RNF150: variants seen among roughly 807,000 people sequenced by gnomAD.
RNF150 encodes ring finger protein 150.
RNF150 carries 24 observed loss-of-function variants against 39.3 expected under a neutral mutation model. The observed-to-expected ratio is 0.61, with a 90% CI of 0.44 to 0.86. The LOEUF (loss-of-function observed/expected upper bound fraction) is 0.86. RNF150 is among the 40% of genes least tolerant of loss of function. The pLI, the probability that RNF150 is intolerant of heterozygous loss-of-function variation, is 0.00. For synonymous variants in RNF150, 255 were observed against 227.3 expected (o/e 1.12, Z -1.10); for missense variants, 502 against 587.8 (o/e 0.85, Z 1.51).
intron 4 of RNF150, among the ~76,000 whole-genome samples, chr4:140,945,641 TAGTAA>T (rs1732277584): frequency 6.7e-6 from 1 of 148,686 alleles, no homozygotes; most frequent in Non-Finnish European, 1.5e-5. Flanking sequence ...TATATATATG[TAGTAA>T]CATGAAATTT....
rs749916655 is a variant in RNF150, at chr4:141,132,574, C to G, written c.235G>C (p.Glu79Gln). 63 of 1,581,152 alleles carry G rather than the reference C, an allele frequency of 4.0e-5. No homozygotes were observed. The highest frequency in any genetic ancestry group is 5.3e-5 in the Non-Finnish European group (62 of 1,164,474). Residue 79 changes from glutamate (E) to glutamine (Q), a missense_variant, in exon 1 of 7, where the codon GAG becomes CAG. By Grantham distance (29) the Glu-to-Gln change is conservative. Transcript: ENST00000515673. The surrounding 1 kb of genome is among the most constrained non-coding windows in gnomAD (Gnocchi z 4.9). ...CGGGCGTCCTGCTTGGGCGAGTGCT[C>G]TCCGTAGCGCCCGCACTCCGTCTTC... ...TEKTECGRYG[E>Q]HSPKQDARGE...
At chr4:141,180,456 CT>C (rs1449991994) in intron 1 of RNF150, among the ~76,000 whole-genome samples, 1 of 152,194 alleles carries the variant, frequency 6.6e-6, no homozygotes, top group Non-Finnish European at 1.5e-5. Context: ...TCCAACCCTT[CT>C]GTCTGTAGGT....
At chr4:140,930,786 A>C (rs1731599237) in intron 4 of RNF150, among the ~76,000 whole-genome samples, 1 of 152,174 alleles carries the variant, frequency 6.6e-6, no homozygotes, top group African/African-American at 2.4e-5. Flanking sequence ...AAAATATAGC[A>C]CTGGTTACGT....
At chr4:140,912,959 T>A (rs1292546860) in intron 5 of RNF150, among the ~76,000 whole-genome samples, 33 of 138,152 alleles carry the variant, frequency 2.4e-4, no homozygotes, top group African/African-American at 9.0e-4. Context: ...CATCAGAACA[T>A]AAAAAAAAAA....
intron 5 of RNF150, among the ~76,000 whole-genome samples, chr4:140,917,675 A>C (rs1426597074): frequency 1.2e-4 from 19 of 152,158 alleles, no homozygotes; most frequent in African/African-American, 3.4e-4. Context: ...GAACTCAGCT[A>C]TGCACCAAGC....
In RNF150 at chr4:141,110,587, T is replaced by C. The variant is rs559808684; in HGVS notation, c.484+21738A>G. ...TGCCACCACACCTAATTTTTAATTT[T>C]TTTTTAATGAGGAAGGGGTCTTGCT... On this transcript the variant is annotated intron_variant, in intron 1 of 6. Coordinates refer to ENST00000515673, the MANE Select transcript of RNF150 (RefSeq NM_020724.2). Among the ~76,000 whole-genome samples, 7 of 151,438 alleles carry C rather than the reference T, an allele frequency of 4.6e-5. 1 individual carries two copies. The highest frequency in any genetic ancestry group is 1.7e-4 in the African/African-American group (7 of 40,852).
intron 1 of RNF150, among the ~76,000 whole-genome samples, chr4:141,141,187 T>C (rs1367951169): frequency 6.6e-6 from 1 of 152,090 alleles, no homozygotes; most frequent in East Asian, 1.9e-4. Context: ...CTGTGCTGGT[T>C]TTCATGTTTG....
chr4:140,996,670 G>A (rs949560412), intron 1 of RNF150, among the ~76,000 whole-genome samples: 1 of 152,090 alleles, frequency 6.6e-6, no homozygotes, highest in African/African-American at 2.4e-5. Context: ...AGAGAAGCAA[G>A]GTAAAAAATT....
chr4:141,193,324 T>C (rs1333956898), intron 1 of RNF150, among the ~76,000 whole-genome samples: 2 of 152,258 alleles, frequency 1.3e-5, no homozygotes, highest in Non-Finnish European at 2.9e-5. Context: ...TTCCCTGCAC[T>C]GTGGAGTTTC....
In RNF150 at chr4:140,967,811, G is replaced by A; in HGVS notation, c.547C>T (p.Leu183=). The part of the protein sequence containing the change: ...EPKGKEIVSL[L]ERNITVTMYI... ...ATTGTCACGGTGATGTTTCTTTCCA[G>A]CAGGCTTACTATCTCCTTCCCTTTT... Residue 183 remains leucine, a synonymous_variant, in exon 2 of 7, where the codon CTG becomes TTG. Transcript: ENST00000515673. 1 of 1,613,438 alleles carries A rather than the reference G, an allele frequency of 6.2e-7. No homozygotes were observed. Among genetic ancestry groups the A allele is most frequent in the Non-Finnish European group, 8.5e-7 (1 of 1,179,566 alleles).
chr4:140,954,549 C>T (rs1487416859), intron 2 of RNF150, among the ~76,000 whole-genome samples: 4 of 151,940 alleles, frequency 2.6e-5, no homozygotes, highest in Non-Finnish European at 5.9e-5. Flanking sequence ...GTTAGGCCAT[C>T]GTAATAATTA....
intron 1 of RNF150, among the ~76,000 whole-genome samples, chr4:141,030,497 T>C (rs1461278145): frequency 6.6e-6 from 1 of 152,128 alleles, no homozygotes; most frequent in Non-Finnish European, 1.5e-5. Context: ...GAAGAGATAT[T>C]TGCAAACCCA....
intron 1 of RNF150, among the ~76,000 whole-genome samples, chr4:141,071,781 T>C (rs1481147653): frequency 6.6e-6 from 1 of 152,184 alleles, no homozygotes; most frequent in Non-Finnish European, 1.5e-5. Flanking sequence ...GGAGCTCTTA[T>C]TCCTTCAGAA....
intron 1 of RNF150, among the ~76,000 whole-genome samples, chr4:141,023,760 T>C (rs527689350): frequency 2.0e-5 from 3 of 152,306 alleles, no homozygotes; most frequent in Admixed American, 6.5e-5. Context: ...TTGGACAGCA[T>C]GTCTCTGGAC....
At chr4:141,030,357 T>C (rs1735892916) in intron 1 of RNF150, among the ~76,000 whole-genome samples, 1 of 151,890 alleles carries the variant, frequency 6.6e-6, no homozygotes, top group African/African-American at 2.4e-5. Flanking sequence ...TTGATGGAAA[T>C]ATAAATTGTA....
rs79280371 is a variant in RNF150, at chr4:141,018,076, G to A, written c.485-50203C>T. Among the ~76,000 whole-genome samples, 1,045 of 151,950 alleles carry A rather than the reference G, an allele frequency of 6.9e-3. 13 individuals carry two copies. Among genetic ancestry groups the A allele is most frequent in the African/African-American group, 0.023 (957 of 41,232 alleles). Reference sequence around the variant, plus strand: ...TAAAATATACTATCATTTGATGCATGTATTATAATTTCCTAACTATTAATA... The same window carrying A: ...TAAAATATACTATCATTTGATGCATATATTATAATTTCCTAACTATTAATA... On this transcript the variant is annotated intron_variant, in intron 1 of 6. Transcript: ENST00000515673.
intron 1 of RNF150, among the ~76,000 whole-genome samples, chr4:141,204,218 G>A (rs1031140567): frequency 9.2e-5 from 14 of 152,152 alleles, no homozygotes; most frequent in African/African-American, 3.4e-4. Context: ...TCAGAAGCAG[G>A]GATGAGAACC....
At chr4:141,067,259 AACTACC>A (rs2110936322) in intron 1 of RNF150, among the ~76,000 whole-genome samples, 1 of 152,342 alleles carries the variant, frequency 6.6e-6, no homozygotes, top group East Asian at 1.9e-4. Context: ...TTATCTAAAA[AACTACC>A]ATTTTGCAAG....
At chr4:141,077,506 A>G (rs544570784) in intron 1 of RNF150, among the ~76,000 whole-genome samples, 4 of 152,348 alleles carry the variant, frequency 2.6e-5, no homozygotes, top group Admixed American at 2.6e-4. Flanking sequence ...CGGCCTGTAC[A>G]AAAAATAAAT....
Sources: allele counts gnomAD v4.1 joint callset (sites outside exome capture counted in the v4.1 genomes callset), GRCh38; gene constraint gnomAD v4.1.1; non-coding constraint Gnocchi (gnomAD v3.1); transcripts MANE v1.5; gene names NCBI Gene and HGNC (gene_info 2026-07-23, HGNC 2026-07-21).